WDPCP: variants seen among roughly 807,000 people sequenced by gnomAD.
WDPCP encodes WD repeat containing planar cell polarity effector, also known as WD repeat-containing and planar cell polarity effector protein fritz homolog.
WDPCP carries 71 observed loss-of-function variants against 93.1 expected under a neutral mutation model. That is an observed-to-expected ratio of 0.76 (90% CI 0.63 to 0.93). WDPCP has a LOEUF of 0.93. Ranked by LOEUF, WDPCP falls within the 40% of genes least tolerant of loss-of-function variation. WDPCP has a pLI of 0.00. For synonymous variants in WDPCP, 315 were observed against 315.0 expected, an observed-to-expected ratio of 1.00 and a Z score of 0.00; for missense variants, 844 against 887.4, an observed-to-expected ratio of 0.95 and a Z score of 0.62.
At chr2:63,534,646 G>C (rs914600500) in intron 1 of WDPCP, among the ~76,000 whole-genome samples, 1 of 152,132 alleles carries the variant, frequency 6.6e-6, no homozygotes, top group Non-Finnish European at 1.5e-5. Context: ...AAAGGCCTCT[G>C]ACAAAATTCA....
chr2:63,141,181 C>T (rs192612706), intron 17 of WDPCP, among the ~76,000 whole-genome samples: 33 of 152,002 alleles, frequency 2.2e-4, no homozygotes, highest in East Asian at 1.4e-3. Context: ...TGGGTTCAAG[C>T]GATTCTCCTG....
chr2:63,142,995 G>T (rs1304256241), intron 17 of WDPCP, among the ~76,000 whole-genome samples: 1 of 151,610 alleles, frequency 6.6e-6, no homozygotes, highest in Admixed American at 6.6e-5. Flanking sequence ...CTGTCATCCA[G>T]GCTGGAGTGC....
At chr2:63,250,959 T>G (rs1680664861) in intron 14 of WDPCP, among the ~76,000 whole-genome samples, 1 of 152,132 alleles carries the variant, frequency 6.6e-6, no homozygotes, top group South Asian at 2.1e-4. Context: ...CTCATTTCAT[T>G]GCCTATACAA....
intron 2 of WDPCP, among the ~76,000 whole-genome samples, chr2:63,490,957 T>C (rs914976379): frequency 6.6e-6 from 1 of 152,194 alleles, no homozygotes; most frequent in Non-Finnish European, 1.5e-5. Flanking sequence ...GGGAATAATA[T>C]GAAAAATGGG....
intron 6 of WDPCP, among the ~76,000 whole-genome samples, chr2:63,464,271 C>T (rs1295179058): frequency 6.6e-6 from 1 of 152,116 alleles, no homozygotes; most frequent in Non-Finnish European, 1.5e-5. Flanking sequence ...AGATACTCAA[C>T]ATTACTAATC....
chr2:63,140,417 C>G (rs1328109399), intron 17 of WDPCP, among the ~76,000 whole-genome samples: 1 of 152,130 alleles, frequency 6.6e-6, no homozygotes, highest in Admixed American at 6.5e-5. Flanking sequence ...TGGTCATTTT[C>G]ACAATATTGA....
chr2:63,642,752 A>C (rs1254405874), intron 3 of WDPCP: 3 of 152,146 alleles, frequency 2.0e-5, no homozygotes, highest in Non-Finnish European at 4.4e-5. Flanking sequence ...ATATAGGATC[A>C]TATCATCTTC....
intron 13 of WDPCP, among the ~76,000 whole-genome samples, chr2:63,306,116 C>A (rs4602212): frequency 0.78 from 119,344 of 152,198 alleles, 47,363 homozygotes; most frequent in East Asian, 0.96. Flanking sequence ...AAACACCTCT[C>A]TGCAAATCAA....
intron 17 of WDPCP, among the ~76,000 whole-genome samples, chr2:63,138,390 A>AT (rs1183330928): frequency 6.6e-6 from 1 of 150,522 alleles, no homozygotes; most frequent in Admixed American, 6.6e-5. Context: ...TTTTATTTTA[A>AT]TTAATTAATT....
chr2:63,817,385 G>C (rs1355263539), intron 1 of WDPCP, among the ~76,000 whole-genome samples: 2 of 152,158 alleles, frequency 1.3e-5, no homozygotes, highest in Non-Finnish European at 2.9e-5. Context: ...TGAGATTACA[G>C]GAGTGAGCCA....
chr2:63,136,464 C>T (rs561992100), intron 17 of WDPCP, among the ~76,000 whole-genome samples: 2 of 152,072 alleles, frequency 1.3e-5, no homozygotes, highest in Non-Finnish European at 2.9e-5. Flanking sequence ...AATGTATTAT[C>T]TATTATATAC....
intron 17 of WDPCP, among the ~76,000 whole-genome samples, chr2:63,127,335 G>C (rs1285414280): frequency 1.3e-5 from 2 of 151,762 alleles, no homozygotes; most frequent in African/African-American, 4.8e-5. Context: ...ATGTTGGCCA[G>C]GATGGTCTTG....
At chr2:63,127,676 T>TAC (rs2153397588) in intron 17 of WDPCP, among the ~76,000 whole-genome samples, 1 of 147,242 alleles carries the variant, frequency 6.8e-6, no homozygotes, top group Admixed American at 6.8e-5. Context: ...TATATATATA[T>TAC]ATATATATAT....
intron 17 of WDPCP, among the ~76,000 whole-genome samples, chr2:63,127,462 T>C (rs1165210274): frequency 6.6e-6 from 1 of 151,786 alleles, no homozygotes; most frequent in African/African-American, 2.4e-5. Context: ...GAGGAAAGAA[T>C]GAGAATAGTT....
intron 2 of WDPCP, among the ~76,000 whole-genome samples, chr2:63,697,142 GTAGTAGT>G (rs752319887): frequency 0.022 from 1,362 of 60,716 alleles, 14 homozygotes; most frequent in Non-Finnish European, 0.03. Flanking sequence ...TGTAGTAGTA[GTAGTAGT>G]TATAGTAGTT....
chr2:63,257,922 G>T (rs1185076094), intron 14 of WDPCP, among the ~76,000 whole-genome samples: 1 of 152,114 alleles, frequency 6.6e-6, no homozygotes, highest in Non-Finnish European at 1.5e-5. Context: ...AAATTGGTTA[G>T]GACTTAACTT....
At position 63,122,017 on chromosome 2, in the gene WDPCP, C is replaced by T. The variant is rs1669575177; in HGVS notation, c.2230G>A (p.Gly744Ser). The change falls in exon 18 of 18, where the codon GGT becomes AGT. Residue 744 changes from glycine to serine, a missense_variant. Coordinates refer to ENST00000272321, the MANE Select transcript of WDPCP (RefSeq NM_015910.7). ...DGGSLKMIHF[G>S]LV ...TTTTTTCTTAATGTTTACACCAGACCAAAGTGAATCATTTTGAGAGAACCA... is the reference window on the plus strand; with the variant it reads ...TTTTTTCTTAATGTTTACACCAGACTAAAGTGAATCATTTTGAGAGAACCA... 1.2e-6 allele frequency: 2 copies of T among 1,613,226 alleles called. No homozygotes were observed. Among genetic ancestry groups the T allele is most frequent in the South Asian group, 2.2e-5 (2 of 90,972 alleles).
intron 14 of WDPCP, among the ~76,000 whole-genome samples, chr2:63,189,981 A>C (rs1169171436): frequency 6.6e-6 from 1 of 152,338 alleles, no homozygotes; most frequent in African/African-American, 2.4e-5. Context: ...CTTAAAAGCA[A>C]ACATTTATTG....
intron 14 of WDPCP, among the ~76,000 whole-genome samples, chr2:63,244,022 A>C (rs1680071765): frequency 6.6e-6 from 1 of 152,176 alleles, no homozygotes; most frequent in Non-Finnish European, 1.5e-5. Context: ...AATTAAAATC[A>C]TACCAAACGA....
Sources: gnomAD v4.1 joint callset for allele counts (sites outside exome capture counted in the v4.1 genomes callset) on GRCh38, gnomAD v4.1.1 for gene constraint, MANE v1.5 for transcripts, NCBI Gene and HGNC (gene_info 2026-07-23, HGNC 2026-07-21) for gene names.